Variants in FUBP1 observed in about 807,000 individuals in gnomAD.
FUBP1 encodes far upstream element-binding protein 1.
In FUBP1, 16 loss-of-function variants were observed where a neutral mutation model predicts 94.9. The observed-to-expected ratio is 0.17, with a 90% CI of 0.11 to 0.26. The LOEUF is 0.26. Among genes scored for constraint, FUBP1 ranks in the 10% least tolerant of loss-of-function variants. The pLI is 1.00. For missense variants in FUBP1, 583 were observed against 808.6 expected (o/e 0.72, Z 3.38); for synonymous variants, 279 against 254.9 (o/e 1.09, Z -0.90).
At chr1:77,964,836 ACT>A (rs773368994) in intron 9 of FUBP1, 32 bp downstream of exon 9, 4 of 1,513,426 alleles carry the variant, frequency 2.6e-6, no homozygotes, top group East Asian at 2.3e-5. Flanking sequence ...CATTCAACCC[ACT>A]CTTTCTTTAT....
At chr1:77,961,087 A>G (rs975607323) in intron 14 of FUBP1, among the ~76,000 whole-genome samples, 2 of 152,214 alleles carry the variant, frequency 1.3e-5, no homozygotes, top group East Asian at 3.8e-4. Flanking sequence ...ATGATGTTTA[A>G]TAGCACAAAA....
rs1054766112 is a variant in FUBP1, at chr1:77,968,923, G to A, written c.212-720C>T. The A allele has an allele frequency of 5.2e-5, 22 of 419,696 alleles. No homozygotes were observed. In the East Asian group the frequency reaches 1.2e-3, roughly 23 times the overall value. 26.0% of individuals were successfully genotyped at this position (419,696 alleles called of 1,614,324 possible). A position where few individuals can be genotyped will look rare whatever the true frequency, so the allele number is the denominator to read the frequency against. Reference sequence around the variant, plus strand: ...GTTGTGCAGCAAAAATAAAATATGCGCAGACACATAATCCAAGAAATATTT... The same window carrying A: ...GTTGTGCAGCAAAAATAAAATATGCACAGACACATAATCCAAGAAATATTT... On this transcript the variant is annotated intron_variant, in intron 2 of 19. Transcript: ENST00000370768.
At chr1:77,974,020 C>A (rs1557476863) in intron 1 of FUBP1, among the ~76,000 whole-genome samples, 1 of 151,944 alleles carries the variant, frequency 6.6e-6, no homozygotes. Context: ...CATAAAGGAC[C>A]CAACATTGTC....
At chr1:77,974,248 GCC>G (rs1315853308) in intron 1 of FUBP1, among the ~76,000 whole-genome samples, 109 of 149,322 alleles carry the variant, frequency 7.3e-4, no homozygotes, top group African/African-American at 2.5e-3. Context: ...CCATTCTCCT[GCC>G]TCAGTCTCCT....
At chr1:77,972,004 C>CA (rs60606700) in intron 1 of FUBP1, among the ~76,000 whole-genome samples, 2,759 of 83,754 alleles carry the variant, frequency 0.033, 58 homozygotes, top group African/African-American at 0.052. Flanking sequence ...GACTCTGTCT[C>CA]AAAAAAAAAA....
chr1:77,967,402 G>T (rs1026238430), intron 4 of FUBP1, among the ~76,000 whole-genome samples: 2 of 152,028 alleles, frequency 1.3e-5, no homozygotes, highest in East Asian at 3.8e-4. Context: ...ATTCACCCCT[G>T]TTCTTCTAAA....
At chr1:77,950,268 C>A (rs1653154193) in intron 18 of FUBP1, among the ~76,000 whole-genome samples, 1 of 152,108 alleles carries the variant, frequency 6.6e-6, no homozygotes, top group South Asian at 2.1e-4. Flanking sequence ...CTCAGGTGAT[C>A]CTCCCACCTC....
chr1:77,971,145 G>A (rs1657460379), intron 1 of FUBP1, among the ~76,000 whole-genome samples: 1 of 152,088 alleles, frequency 6.6e-6, no homozygotes, highest in South Asian at 2.1e-4. Context: ...GACAACCGAA[G>A]TAGTTCCCAT....
At chr1:77,960,557 C>T (rs1196985165) in intron 14 of FUBP1, 62 bp from the exon 15 acceptor site, 13 of 1,303,552 alleles carry the variant, frequency 1.0e-5, no homozygotes, top group Non-Finnish European at 1.3e-5. Context: ...AACAACTCTA[C>T]GGCCAAATAA....
intron 1 of FUBP1, among the ~76,000 whole-genome samples, chr1:77,978,087 AAATAT>A (rs1181712375): frequency 6.6e-6 from 1 of 152,242 alleles, no homozygotes; most frequent in Non-Finnish European, 1.5e-5. Flanking sequence ...TTGAAATGTT[AAATAT>A]ATTAGGGGAC....
chr1:77,972,021 A>G (rs1657650122), intron 1 of FUBP1, among the ~76,000 whole-genome samples: 1 of 152,018 alleles, frequency 6.6e-6, no homozygotes, highest in Non-Finnish European at 1.5e-5. Flanking sequence ...AAAAAAAAAA[A>G]AAAGGTAAAT....
chr1:77,953,149 G>A (rs1477329882), intron 18 of FUBP1, among the ~76,000 whole-genome samples: 1 of 151,766 alleles, frequency 6.6e-6, no homozygotes, highest in African/African-American at 2.4e-5. Flanking sequence ...ACAACAACGA[G>A]ATATGCATGT....
rs1659332909 is a variant in FUBP1, at chr1:77,979,035, T to TCA, written c.-33_-32dup. The stretch of plus-strand genomic sequence containing the variant: ...CACTATAAGAGCCGCTGCCGCCTGT[T>TCA]CAGAGACTTCCTCTCAGCTAACAGC... On this transcript the variant is annotated 5_prime_UTR_variant, in exon 1 of 20. Transcript: ENST00000370768. 1.9e-6 allele frequency: 3 copies of TCA among 1,580,370 alleles called. No homozygotes were observed. The highest frequency in any genetic ancestry group is 1.8e-5 in the Admixed American group (1 of 55,920).
At chr1:77,955,114 C>A in intron 18 of FUBP1, 141 bp downstream of exon 18, 1 of 553,410 alleles carries the variant, frequency 1.8e-6, no homozygotes, top group Non-Finnish European at 3.2e-6. Flanking sequence ...GCCATATAAC[C>A]ACAAATTTAA....
intron 1 of FUBP1, among the ~76,000 whole-genome samples, chr1:77,977,845 G>GATTTTATGAA: frequency 6.6e-6 from 1 of 152,332 alleles, no homozygotes; most frequent in Non-Finnish European, 1.5e-5. Context: ...CATTAGATGT[G>GATTTTATGAA]TTACAACGGA....
intron 1 of FUBP1, among the ~76,000 whole-genome samples, chr1:77,978,583 G>A (rs1431144714): frequency 6.6e-6 from 1 of 152,178 alleles, no homozygotes; most frequent in African/African-American, 2.4e-5. Flanking sequence ...TTATCCCCTG[G>A]AAGAGGATCT....
rs185346169 is a variant in FUBP1, at chr1:77,976,105, A to G, written c.120+2780T>C. On this transcript the variant is annotated intron_variant, in intron 1 of 19. Transcript: ENST00000370768. The stretch of plus-strand genomic sequence containing the variant: ...ATCTCTTCCTTCCAAAAACAAAAAC[A>G]GCATAGTATTCTAGACAAAGAAAAT... Among the ~76,000 whole-genome samples the G allele has an allele frequency of 6.9e-3, 1,050 of 152,372 alleles. 3 individuals are homozygous for G. The highest frequency in any genetic ancestry group is 0.012 in the Non-Finnish European group (786 of 68,030).
chr1:77,956,070 C>T (rs201522728), intron 17 of FUBP1, among the ~76,000 whole-genome samples: 1 of 152,124 alleles, frequency 6.6e-6, no homozygotes, highest in East Asian at 1.9e-4. Context: ...TATAAAAATA[C>T]TTTAAAAATA....
At chr1:77,975,571 T>C (rs1049835063) in intron 1 of FUBP1, among the ~76,000 whole-genome samples, 1 of 152,210 alleles carries the variant, frequency 6.6e-6, no homozygotes, top group Non-Finnish European at 1.5e-5. Context: ...GGATGAGGGT[T>C]AATAGTCTCG....
Sources: allele counts gnomAD v4.1 joint callset (sites outside exome capture counted in the v4.1 genomes callset), GRCh38; gene constraint gnomAD v4.1.1; transcripts MANE v1.5; gene names NCBI Gene and HGNC (gene_info 2026-07-23, HGNC 2026-07-21).